The following SLC30A5 variants were observed in gnomAD, a reference collection of about 807,000 sequenced individuals.
SLC30A5 encodes proton-coupled zinc antiporter SLC30A5.
SLC30A5 carries 33 observed loss-of-function variants against 79.6 expected under a neutral mutation model. That is an observed-to-expected ratio of 0.41 (90% CI 0.31 to 0.55). SLC30A5 has a LOEUF of 0.55. Ranked by LOEUF, SLC30A5 falls within the 20% of genes least tolerant of loss-of-function variation. The pLI, the probability that SLC30A5 is intolerant of heterozygous loss-of-function variation, is 0.20. For missense variants in SLC30A5, 788 were observed against 928.1 expected (o/e 0.85, Z 1.96); for synonymous variants, 299 against 319.7 (o/e 0.94, Z 0.69).
chr5:69,113,345 T>A (rs1405337163), intron 6 of SLC30A5, 118 bp downstream of exon 6: 3 of 641,404 alleles, frequency 4.7e-6, no homozygotes, highest in Non-Finnish European at 7.8e-6. Context: ...GAAACTTTCA[T>A]AGATTAATGT....
At position 69,121,847 on chromosome 5, in the gene SLC30A5, G is replaced by A; in HGVS notation, c.1723G>A (p.Gly575Ser). Residue 575 changes from glycine to serine, a missense_variant, in exon 13 of 16, where the codon GGT becomes AGT. By Grantham distance (56) the Gly-to-Ser change is moderately conservative (BLOSUM62 0). Transcript: ENST00000396591. The part of the protein sequence containing the change: ...HMHGHSDHGH[G>S]HSHGSAGGGM... ...GCATGGACACAGTGACCATGGGCAT[G>A]GTCACAGCCACGGATCTGCGGGTGG... 1 of 1,613,710 alleles carries A rather than the reference G, an allele frequency of 6.2e-7. No homozygotes were observed. Among genetic ancestry groups the A allele is most frequent in the South Asian group, 1.1e-5 (1 of 91,002 alleles).
At chr5:69,113,455 A>G (rs984847964) in intron 6 of SLC30A5, among the ~76,000 whole-genome samples, 2 of 152,118 alleles carry the variant, frequency 1.3e-5, no homozygotes, top group African/African-American at 4.8e-5. Flanking sequence ...ATTTTCAGAA[A>G]TGTAGGGACA....
rs146806507 is a variant in SLC30A5 at position 69,103,778 on chromosome 5, T to C, written c.273+650T>C. Among the ~76,000 whole-genome samples, 466 of 152,342 alleles carry C rather than the reference T, an allele frequency of 3.1e-3. 4 individuals are homozygous for C. The highest frequency in any genetic ancestry group is 0.011 in the African/African-American group (452 of 41,582). The stretch of plus-strand genomic sequence containing the variant: ...CATTTTGCATAATCATCTCACATCG[T>C]CACTTCTTTGGGCAGCAGTTATACC... On this transcript the variant is annotated intron_variant, in intron 3 of 15. Transcript: ENST00000396591.
At position 69,100,938 on chromosome 5, in the gene SLC30A5, G is replaced by A. The variant is rs200463223; in HGVS notation, c.206+9G>A. On this transcript the variant is annotated intron_variant, in intron 2 of 15. Transcript: ENST00000396591. The stretch of plus-strand genomic sequence containing the variant: ...TTTATATTAAAACTTGGGTGAGTGT[G>A]GGGGGGGGTTTTTTCTTGATATTTT... 5.7e-6 allele frequency: 7 copies of A among 1,232,220 alleles called. No individual in the cohort carries two copies. Among genetic ancestry groups the A allele is most frequent in the Non-Finnish European group, 7.6e-6 (7 of 920,904 alleles). 76.3% of individuals were successfully genotyped at this position (1,232,220 alleles called of 1,614,324 possible). A position where few individuals can be genotyped will look rare whatever the true frequency, so the allele number is the denominator to read the frequency against.
rs1401017192 is a variant in SLC30A5 at position 69,123,276 on chromosome 5, G to A, written c.1849G>A (p.Gly617Arg). The A allele has an allele frequency of 2.5e-6, 4 of 1,613,972 alleles. No homozygotes were observed. The highest frequency in any genetic ancestry group is 3.4e-6 in the Non-Finnish European group (4 of 1,179,970). Residue 617 changes from glycine to arginine, a missense_variant, in exon 14 of 16, where the codon GGA (glycine) becomes AGA (arginine). Gly to Arg is a moderately radical substitution (Grantham distance 125). Transcript: ENST00000396591. ...IVSTVLIEQF[G>R]WFIADPLCSL... ...ATCCACAGTTCTTATAGAGCAGTTT[G>A]GATGGTTCATCGCTGACCCACTCTG...
chr5:69,113,275 T>C (rs183499227), intron 6 of SLC30A5, 48 bp downstream of exon 6: 21 of 1,397,798 alleles, frequency 1.5e-5, no homozygotes, highest in Non-Finnish European at 2.1e-5. Flanking sequence ...TGAGGAAAAC[T>C]AGAAGCCTGG....
chr5:69,128,240 T>A, intron 15 of SLC30A5, 108 bp downstream of exon 15: 57 of 604,176 alleles, frequency 9.4e-5, no homozygotes, highest in Non-Finnish European at 1.3e-4. Flanking sequence ...GAAATATCAA[T>A]CTTCCAACTC....
chr5:69,127,340 C>T (rs1218743893), intron 14 of SLC30A5, among the ~76,000 whole-genome samples: 1 of 151,938 alleles, frequency 6.6e-6, no homozygotes, highest in African/African-American at 2.4e-5. Context: ...ATAAAGATAA[C>T]TGTAACAGCT....
chr5:69,097,110 T>A (rs1378990530), intron 1 of SLC30A5, among the ~76,000 whole-genome samples: 1 of 41,724 alleles, frequency 2.4e-5, no homozygotes, highest in African/African-American at 1.0e-4. Flanking sequence ...TCTCTTTTTC[T>A]TTTTTTTTTT....
At chr5:69,111,307 CTTT>C (rs572471039) in intron 5 of SLC30A5, among the ~76,000 whole-genome samples, 3 of 95,122 alleles carry the variant, frequency 3.2e-5, no homozygotes, top group Admixed American at 2.3e-4. Flanking sequence ...TTTTCTTTTT[CTTT>C]TTTTTTTTTT....
At position 69,108,228 on chromosome 5, in the gene SLC30A5, AT is replaced by A. The variant is rs567674554; in HGVS notation, c.360-116del. On this transcript the variant is annotated intron_variant, in intron 4 of 15. Transcript: ENST00000396591. ...TTTTCTAAAGCAGTTGTACCTATTT[AT>A]TTTTCTTATGTTTTGTGAAATCAAG... 2.4e-4 allele frequency: 181 copies of A among 740,380 alleles called. 1 individual carries two copies. In the African/African-American group the frequency reaches 3.0e-3, roughly 12 times the overall value. 45.9% of individuals were successfully genotyped at this position (740,380 alleles called of 1,614,324 possible).
chr5:69,127,227 C>T (rs181247646), intron 14 of SLC30A5, among the ~76,000 whole-genome samples: 1 of 152,020 alleles, frequency 6.6e-6, no homozygotes, highest in Non-Finnish European at 1.5e-5. Context: ...TAAAGGAGAA[C>T]TTGTAGTTCA....
Position 69,129,489 on chromosome 5 carries a change from A to G in SLC30A5, c.2170A>G (p.Ile724Val), listed in dbSNP as rs1746793016. The part of the protein sequence containing the change: ...LKDAGVNNLT[I>V]QVEKEAYFQH... Reference sequence around the variant, plus strand: ...AGATGCTGGAGTAAACAATTTAACAATTCAAGTGGAAAAGGAGGCATACTT... The same window carrying G: ...AGATGCTGGAGTAAACAATTTAACAGTTCAAGTGGAAAAGGAGGCATACTT... The change falls in exon 16 of 16, where the codon ATT (isoleucine) becomes GTT (valine). Residue 724 changes from isoleucine to valine, a missense_variant. By Grantham distance (29) the Ile-to-Val change is conservative. This residue lies in a region of SLC30A5 where 158 missense variants were observed against 156.2 expected (regional missense o/e 1.01). Coordinates refer to ENST00000396591, the MANE Select transcript of SLC30A5 (RefSeq NM_022902.5). 8 of 1,613,198 alleles carry G rather than the reference A, an allele frequency of 5.0e-6. No homozygotes were observed. In the South Asian group the frequency reaches 8.8e-5, roughly 18 times the overall value.
In SLC30A5 at chr5:69,129,726, G is replaced by C; in HGVS notation, c.*109G>C. ...TACACATTAACTGTACAGAAACAGA[G>C]TTCCCTACTACTGGATCAAGGAATC... On this transcript the variant is annotated 3_prime_UTR_variant, in exon 16 of 16. Transcript: ENST00000396591. The C allele has an allele frequency of 1.1e-6, 1 of 930,652 alleles. No individual in the cohort carries two copies. The highest frequency in any genetic ancestry group is 2.9e-5 in the Admixed American group (1 of 34,698). 57.6% of individuals were successfully genotyped at this position (930,652 alleles called of 1,614,324 possible).
chr5:69,120,278 G>A (rs939555650), intron 12 of SLC30A5, among the ~76,000 whole-genome samples: 18 of 151,786 alleles, frequency 1.2e-4, no homozygotes, highest in African/African-American at 4.4e-4. Context: ...CAGCTGCTTG[G>A]GTGGCTGAGG....
chr5:69,123,491 A>C (rs1454555864), intron 14 of SLC30A5, 66 bp downstream of exon 14: 1 of 1,207,552 alleles, frequency 8.3e-7, no homozygotes, highest in East Asian at 2.3e-5. Flanking sequence ...CTTTGCTGGA[A>C]GTAAAACAGA....
chr5:69,101,981 T>C (rs949380274), intron 2 of SLC30A5, among the ~76,000 whole-genome samples: 2 of 150,028 alleles, frequency 1.3e-5, no homozygotes, highest in African/African-American at 4.9e-5. Flanking sequence ...AACAACACTC[T>C]TCGAAGTATA....
At chr5:69,111,029 G>A (rs112095929) in intron 5 of SLC30A5, among the ~76,000 whole-genome samples, 19 of 151,060 alleles carry the variant, frequency 1.3e-4, no homozygotes, top group African/African-American at 4.6e-4. Flanking sequence ...AGTCTCACTG[G>A]GTTGCCCAGG....
At chr5:69,100,960 T>C in intron 2 of SLC30A5, 31 bp downstream of exon 2, 1 of 1,534,700 alleles carries the variant, frequency 6.5e-7, no homozygotes, top group Non-Finnish European at 8.8e-7. Flanking sequence ...TTTCTTGATA[T>C]TTTTTATTTC....
Sources: gnomAD v4.1 joint callset for allele counts (sites outside exome capture counted in the v4.1 genomes callset) on GRCh38, gnomAD v4.1.1 for gene constraint, gnomAD v4.1.1 regional missense constraint, MANE v1.5 for transcripts, NCBI Gene and HGNC (gene_info 2026-07-23, HGNC 2026-07-21) for gene names.